SETD2: variants seen among roughly 807,000 people sequenced by gnomAD.
SETD2 encodes SET domain containing 2, histone lysine methyltransferase, also known as histone-lysine N-methyltransferase SETD2.
A neutral mutation model predicts 242.1 loss-of-function variants in SETD2; 31 were observed. The observed-to-expected ratio is 0.13, with a 90% CI of 0.10 to 0.17. SETD2 has a LOEUF of 0.17. Among genes scored for constraint, SETD2 ranks in the 10% least tolerant of loss-of-function variants. The probability of loss-of-function intolerance (pLI) is 1.00; values close to 1 mark genes in which losing one functional copy is unlikely to be tolerated. For missense variants in SETD2, 2,481 were observed against 3,046.3 expected (o/e 0.81, Z 4.37); for synonymous variants, 1,006 against 1,066.5 (o/e 0.94, Z 1.11).
chr3:47,017,862 A>C lies in SETD2; in HGVS notation c.7432-123T>G. 1.4e-6 allele frequency: 1 copy of C among 729,826 alleles called. No individual in the cohort carries two copies. Among genetic ancestry groups the C allele is most frequent in the East Asian group, 2.6e-5 (1 of 38,024 alleles). The allele number at this position is 729,826 out of a possible 1,614,324, so 45.2% of individuals were successfully genotyped here. On this transcript the variant is annotated intron_variant, in intron 19 of 20. Coordinates refer to ENST00000409792, the MANE Select transcript of SETD2 (RefSeq NM_014159.7). The surrounding 1 kb of genome is among the most constrained non-coding windows in gnomAD (Gnocchi z 4.8). ...CCAATCCTTCTCCTTTTCCTCCCTCAGGTTAACTGGTTTGGACAGTGGAAT... is the reference window on the plus strand; with the variant it reads ...CCAATCCTTCTCCTTTTCCTCCCTCCGGTTAACTGGTTTGGACAGTGGAAT...
rs779894694 is a variant in SETD2 at position 47,122,015 on chromosome 3, A to G, written c.2621T>C (p.Ile874Thr). The G allele has an allele frequency of 4.7e-5, 76 of 1,613,726 alleles. No individual in the cohort carries two copies. The highest frequency in any genetic ancestry group is 5.9e-5 in the Non-Finnish European group (70 of 1,179,932). The change falls in exon 3 of 21, where the codon ATT (isoleucine) becomes ACT (threonine). Residue 874 changes from isoleucine (I) to threonine (T), a missense_variant. This residue lies in a region of SETD2 where 1,300 missense variants were observed against 1,259.2 expected (regional missense o/e 1.03). Coordinates refer to ENST00000409792, the MANE Select transcript of SETD2 (RefSeq NM_014159.7). ...AGATGAAGCAATACCTGAACTCCCA[A>G]TAGGTTGATATAAATCATCAAAATG... ...VNHFDDLYQPIGSSGIASSLQ... is the reference protein window; with the variant it reads ...VNHFDDLYQPTGSSGIASSLQ...
intron 16 of SETD2, 125 bp downstream of exon 16, chr3:47,046,362 T>G (rs370530774): frequency 4.2e-6 from 3 of 716,236 alleles, no homozygotes; most frequent in Non-Finnish European, 6.0e-6. Context: ...TAAAATAAAA[T>G]AAAACAAAGA....
intron 18 of SETD2, among the ~76,000 whole-genome samples, chr3:47,036,147 C>T (rs1220996163): frequency 1.3e-5 from 2 of 152,176 alleles, no homozygotes; most frequent in Non-Finnish European, 2.9e-5. Flanking sequence ...TTCCCTCTTC[C>T]TTCTTCCACC....
rs1217615471 is a variant in SETD2, at chr3:47,094,620, C to T, written c.5142+3335G>A. ...AACTGACCAAAACTCAGAATCCAGG[C>T]ATGCAAAAAAGAAATTTCTGCAGCA... On this transcript the variant is annotated intron_variant, in intron 9 of 20. Transcript: ENST00000409792. Among the ~76,000 whole-genome samples, 6 of 152,112 alleles carry T rather than the reference C, an allele frequency of 3.9e-5. No homozygotes were observed. In the East Asian group the frequency reaches 1.2e-3, roughly 29 times the overall value.
intron 2 of SETD2, among the ~76,000 whole-genome samples, 153 bp from the exon 3 acceptor site, chr3:47,124,701 A>C (rs909577116): frequency 2.6e-5 from 4 of 152,208 alleles, no homozygotes; most frequent in African/African-American, 9.6e-5. Context: ...TTATTATGAA[A>C]ATTTTCAAAC....
At chr3:47,064,578 C>T in intron 13 of SETD2, 2 of 357,898 alleles carry the variant, frequency 5.6e-6, no homozygotes, top group South Asian at 2.3e-5. Flanking sequence ...TCTGACTCTG[C>T]ACCTTAGAAT....
intron 4 of SETD2, among the ~76,000 whole-genome samples, chr3:47,114,572 C>A (rs1349685482): frequency 6.6e-6 from 1 of 151,986 alleles, no homozygotes; most frequent in Non-Finnish European, 1.5e-5. Flanking sequence ...AAGGTTTTAA[C>A]GATGATTAAA....
At chr3:47,148,368 G>A (rs1307314071) in intron 1 of SETD2, among the ~76,000 whole-genome samples, 1 of 151,730 alleles carries the variant, frequency 6.6e-6, no homozygotes, top group East Asian at 1.9e-4. Flanking sequence ...TGACCTCAGG[G>A]GATCCGCCCA....
At chr3:47,088,027 A>G in intron 10 of SETD2, 86 bp downstream of exon 10, 1 of 1,315,658 alleles carries the variant, frequency 7.6e-7, no homozygotes, top group Non-Finnish European at 1.0e-6. Context: ...ACTAACTCTT[A>G]TCAGAATTAT....
At chr3:47,116,275 T>C (rs575789412) in intron 4 of SETD2, among the ~76,000 whole-genome samples, 6 of 152,298 alleles carry the variant, frequency 3.9e-5, no homozygotes, top group Non-Finnish European at 8.8e-5. Context: ...TCTGAAATGT[T>C]AGGGTTTTAT....
At chr3:47,061,500 T>G (rs917554879) in intron 14 of SETD2, among the ~76,000 whole-genome samples, 2 of 152,096 alleles carry the variant, frequency 1.3e-5, no homozygotes, top group African/African-American at 4.8e-5. Context: ...GGTAACTACA[T>G]GCCAAAGAAA....
At position 47,122,758 on chromosome 3, in the gene SETD2, A is replaced by G. The variant is rs2106686640; in HGVS notation, c.1878T>C (p.Thr626=). 1.2e-6 allele frequency: 2 copies of G among 1,610,414 alleles called. No homozygotes were observed. The highest frequency in any genetic ancestry group is 1.7e-6 in the Non-Finnish European group (2 of 1,178,858). Residue 626 remains threonine (T), a synonymous_variant, in exon 3 of 21, where the codon ACT becomes ACC. Coordinates refer to ENST00000409792, the MANE Select transcript of SETD2 (RefSeq NM_014159.7). ...TAGGCAATTCATCTAGCTTTTTTAA[A>G]GTAGGTGAATCATTTAATCGATTTG... ...APSNRLNDSP[T]LKKLDELPIF...
intron 18 of SETD2, 99 bp from the exon 19 acceptor site, chr3:47,019,939 T>C: frequency 2.0e-6 from 2 of 989,354 alleles, no homozygotes; most frequent in East Asian, 2.4e-5. Flanking sequence ...CTAGCAGGGA[T>C]ACCTGATTCT....
At chr3:47,138,058 G>A (rs1240306864) in intron 1 of SETD2, among the ~76,000 whole-genome samples, 15 of 140,518 alleles carry the variant, frequency 1.1e-4, no homozygotes, top group South Asian at 4.7e-4. Flanking sequence ...TGCAAGCTCC[G>A]CCTCCCGGGT....
intron 3 of SETD2, among the ~76,000 whole-genome samples, chr3:47,118,814 A>G (rs1378041067): frequency 6.6e-6 from 1 of 152,056 alleles, no homozygotes; most frequent in Non-Finnish European, 1.5e-5. Context: ...AGAGAATTGG[A>G]CTGATTAGTT....
intron 9 of SETD2, among the ~76,000 whole-genome samples, chr3:47,094,044 G>A (rs2041910351): frequency 6.6e-6 from 1 of 152,160 alleles, no homozygotes; most frequent in African/African-American, 2.4e-5. Flanking sequence ...ATTCTGGATA[G>A]TAGTATTCAT....
intron 1 of SETD2, among the ~76,000 whole-genome samples, chr3:47,161,723 G>T (rs989804826): frequency 4.6e-5 from 7 of 152,116 alleles, no homozygotes; most frequent in Admixed American, 4.6e-4. Context: ...CTCACTTGAG[G>T]CCAGGGATTC....
At chr3:47,159,840 T>C (rs1697435350) in intron 1 of SETD2, among the ~76,000 whole-genome samples, 1 of 152,030 alleles carries the variant, frequency 6.6e-6, no homozygotes, top group Non-Finnish European at 1.5e-5. Context: ...CCAGGCACAG[T>C]GGCAGGCGCC....
chr3:47,036,429 C>T (rs1357150588), intron 18 of SETD2, among the ~76,000 whole-genome samples: 2 of 151,994 alleles, frequency 1.3e-5, no homozygotes, highest in African/African-American at 2.4e-5. Context: ...GTGGCGCACA[C>T]CTATAATCCC....
Sources: gnomAD v4.1 joint callset for allele counts (sites outside exome capture counted in the v4.1 genomes callset) on GRCh38, gnomAD v4.1.1 for gene constraint, gnomAD v4.1.1 regional missense constraint, Gnocchi (gnomAD v3.1) non-coding constraint, MANE v1.5 for transcripts, NCBI Gene and HGNC (gene_info 2026-07-23, HGNC 2026-07-21) for gene names.